KIAA1671: variants seen among roughly 807,000 people sequenced by gnomAD.
KIAA1671 encodes the protein uncharacterized protein KIAA1671.
KIAA1671 carries 52 observed loss-of-function variants against 131.2 expected under a neutral mutation model. The observed-to-expected ratio is 0.40, with a 90% CI of 0.32 to 0.50. The LOEUF is 0.50. Ranked by LOEUF, KIAA1671 falls within the 20% of genes least tolerant of loss-of-function variation. KIAA1671 has a pLI of 0.73. For synonymous variants in KIAA1671, 1,003 were observed against 961.6 expected (o/e 1.04, Z -0.80); for missense variants, 2,360 against 2,364.2 (o/e 1.00, Z 0.04).
At chr22:25,086,719 C>T (rs767359276) in intron 6 of KIAA1671, among the ~76,000 whole-genome samples, 2 of 152,168 alleles carry the variant, frequency 1.3e-5, no homozygotes, top group East Asian at 1.9e-4. Flanking sequence ...CCCCAAAGGC[C>T]GGCCAGAGAG....
chr22:25,004,977 T>C (rs1052334432), intron 1 of KIAA1671, among the ~76,000 whole-genome samples: 3 of 151,282 alleles, frequency 2.0e-5, no homozygotes, highest in African/African-American at 7.3e-5. Context: ...GAAGATTTGA[T>C]TGTACTCATT....
chr22:25,174,119 G>C (rs907035537), intron 7 of KIAA1671, 121 bp from the exon 8 acceptor site: 2 of 1,101,498 alleles, frequency 1.8e-6, no homozygotes, highest in Admixed American at 4.8e-5. Flanking sequence ...TGTTCTGTCT[G>C]TTGTTACTTG....
At chr22:25,118,624 C>G (rs756146261) in intron 6 of KIAA1671, among the ~76,000 whole-genome samples, 3 of 152,074 alleles carry the variant, frequency 2.0e-5, no homozygotes, top group African/African-American at 4.8e-5. Context: ...GTCAGCCCCC[C>G]ACACACTCCC....
chr22:25,151,025 G>T (rs1933020479), intron 6 of KIAA1671, among the ~76,000 whole-genome samples: 1 of 151,784 alleles, frequency 6.6e-6, no homozygotes, highest in Admixed American at 6.6e-5. Context: ...TAGTAGAGAC[G>T]GGGTTTCACC....
intron 6 of KIAA1671, among the ~76,000 whole-genome samples, chr22:25,138,954 C>A (rs1209231389): frequency 6.6e-6 from 1 of 152,246 alleles, no homozygotes; most frequent in African/African-American, 2.4e-5. Context: ...GGAATCCCAC[C>A]CCCTTCCTGG....
At chr22:24,955,124 G>A (rs1276648903) in intron 1 of KIAA1671, among the ~76,000 whole-genome samples, 1 of 152,202 alleles carries the variant, frequency 6.6e-6, no homozygotes, top group Admixed American at 6.5e-5. Flanking sequence ...GGAGAATGAA[G>A]GAGCCAGTTG....
At chr22:24,994,866 C>T (rs930868657) in intron 1 of KIAA1671, among the ~76,000 whole-genome samples, 2 of 151,930 alleles carry the variant, frequency 1.3e-5, no homozygotes, top group African/African-American at 4.8e-5. Context: ...CTTTCCAGGC[C>T]TCTTTGCTTC....
rs374583547 is a variant in KIAA1671 at position 25,074,574 on chromosome 22, C to CAT, written c.4530+25213_4530+25214dup. 2.6e-3 allele frequency among the ~76,000 whole-genome samples: 377 copies of CAT among 144,898 alleles called. 1 individual carries two copies. The highest frequency in any genetic ancestry group is 9.2e-3 in the African/African-American group (340 of 36,932). ...ATATGTGTATATATATGTATATATG[C>CAT]ATATGTGTGTGTGTGCGTGTATATA... On this transcript the variant is annotated intron_variant, in intron 6 of 12. Transcript: ENST00000358431.
intron 6 of KIAA1671, among the ~76,000 whole-genome samples, chr22:25,083,700 A>G (rs1359011156): frequency 1.3e-5 from 2 of 152,214 alleles, no homozygotes; most frequent in Non-Finnish European, 2.9e-5. Context: ...TCCTAGGGAT[A>G]CCTTTTCCAC....
At position 25,008,299 on chromosome 22, in the gene KIAA1671, C is replaced by G. The variant is rs751510994; in HGVS notation, c.-207-17334C>G. 4.1e-4 allele frequency among the ~76,000 whole-genome samples: 63 copies of G among 151,944 alleles called. 1 individual carries two copies. Among genetic ancestry groups the G allele is most frequent in the South Asian group, 2.1e-4 (1 of 4,822 alleles). On this transcript the variant is annotated intron_variant, in intron 1 of 12. Coordinates refer to ENST00000358431, the MANE Select transcript of KIAA1671 (RefSeq NM_001145206.2). ...AAGCCAAGAACCCTCCCAGGCCAGGCCAAGCCCCAGTTTTGGTGCTTGTCT... is the reference window on the plus strand; with the variant it reads ...AAGCCAAGAACCCTCCCAGGCCAGGGCAAGCCCCAGTTTTGGTGCTTGTCT...
At chr22:25,168,113 G>C (rs900113005) in intron 6 of KIAA1671, among the ~76,000 whole-genome samples, 1 of 152,194 alleles carries the variant, frequency 6.6e-6, no homozygotes, top group Admixed American at 6.5e-5. Context: ...CTGAGAAGAG[G>C]CTGGCTCCCC....
At chr22:25,008,017 A>AT (rs1340577094) in intron 1 of KIAA1671, among the ~76,000 whole-genome samples, 3 of 151,782 alleles carry the variant, frequency 2.0e-5, no homozygotes, top group African/African-American at 2.4e-5. Flanking sequence ...GGCCAACATG[A>AT]TGAAACCCTG....
intron 6 of KIAA1671, among the ~76,000 whole-genome samples, chr22:25,066,420 A>G (rs917604035): frequency 1.3e-5 from 2 of 152,160 alleles, no homozygotes; most frequent in Non-Finnish European, 2.9e-5. Context: ...AAATGTTGGA[A>G]TTACAGGGGT....
At chr22:25,020,675 G>T (rs907020929) in intron 1 of KIAA1671, among the ~76,000 whole-genome samples, 1 of 152,192 alleles carries the variant, frequency 6.6e-6, no homozygotes, top group African/African-American at 2.4e-5. Flanking sequence ...CCCCACTCAT[G>T]GAGCATTAGA....
At chr22:25,017,100 TG>T (rs1335902658) in intron 1 of KIAA1671, among the ~76,000 whole-genome samples, 1 of 152,070 alleles carries the variant, frequency 6.6e-6, no homozygotes, top group Non-Finnish European at 1.5e-5. Context: ...GGGGTGGTAA[TG>T]GCTGGGCGCG....
At chr22:25,182,801 A>C (rs1934338204) in intron 10 of KIAA1671, among the ~76,000 whole-genome samples, 3 of 152,180 alleles carry the variant, frequency 2.0e-5, no homozygotes, top group Admixed American at 6.5e-5. Flanking sequence ...GGAGTGAACA[A>C]ACCCAGGCTC....
intron 6 of KIAA1671, among the ~76,000 whole-genome samples, chr22:25,169,418 CA>C (rs34299474): frequency 2.2e-4 from 26 of 118,062 alleles, no homozygotes; most frequent in Non-Finnish European, 3.6e-4. Context: ...GACCTTGTCT[CA>C]AAAAAAAAAA....
chr22:25,093,253 A>G (rs62233188), intron 6 of KIAA1671, among the ~76,000 whole-genome samples: 11,369 of 152,234 alleles, frequency 0.075, 524 homozygotes, highest in Middle Eastern at 0.1. Flanking sequence ...TGGAGGGGCC[A>G]GTTTTGAGCA....
intron 10 of KIAA1671, among the ~76,000 whole-genome samples, chr22:25,182,769 A>G (rs934333503): frequency 5.3e-5 from 8 of 152,216 alleles, no homozygotes; most frequent in African/African-American, 1.9e-4. Context: ...GACGCTCACC[A>G]GTGCTGAACA....
Sources: gnomAD v4.1 joint callset for allele counts (sites outside exome capture counted in the v4.1 genomes callset) on GRCh38, gnomAD v4.1.1 for gene constraint, MANE v1.5 for transcripts, NCBI Gene and HGNC (gene_info 2026-07-23, HGNC 2026-07-21) for gene names.